The following GOLGA3 variants were observed in gnomAD, a reference collection of about 807,000 sequenced individuals.
GOLGA3 encodes golgin A3, also known as golgin subfamily A member 3.
GOLGA3 carries 75 observed loss-of-function variants against 169.4 expected under a neutral mutation model. The ratio of observed to expected loss-of-function variants is 0.44; its 90% CI spans 0.37 to 0.54. The LOEUF (loss-of-function observed/expected upper bound fraction) is 0.54, where lower values mean the gene tolerates loss of function less well. Among genes scored for constraint, GOLGA3 ranks in the 20% least tolerant of loss-of-function variants. The probability of loss-of-function intolerance (pLI) is 0.00; values close to 1 mark genes in which losing one functional copy is unlikely to be tolerated. For missense variants in GOLGA3, 1,899 were observed against 1,930.0 expected, an observed-to-expected ratio of 0.98 and a Z score of 0.30; for synonymous variants, 824 against 822.4, an observed-to-expected ratio of 1.00 and a Z score of -0.03.
At chr12:132,807,477 T>C (rs1051219391) in intron 5 of GOLGA3, among the ~76,000 whole-genome samples, 189 bp from the exon 6 acceptor site, 1 of 152,186 alleles carries the variant, frequency 6.6e-6, no homozygotes, top group Admixed American at 6.5e-5. Context: ...AGTTGGCACC[T>C]CACGCAGTGG....
At chr12:132,825,002 C>G (rs1180584558) in intron 1 of GOLGA3, among the ~76,000 whole-genome samples, 1 of 152,140 alleles carries the variant, frequency 6.6e-6, no homozygotes, top group African/African-American at 2.4e-5. Context: ...GCCCCTTTGA[C>G]AGATGAATTA....
rs145877666 is a variant in GOLGA3, at chr12:132,808,071, G to C, written c.998C>G (p.Ser333Trp). The C allele has an allele frequency of 1.9e-6, 3 of 1,597,724 alleles. No homozygotes were observed. Among genetic ancestry groups the C allele is most frequent in the Non-Finnish European group, 2.6e-6 (3 of 1,170,592 alleles). Residue 333 changes from serine to tryptophan, a missense_variant, in exon 5 of 24, where the codon TCG becomes TGG. By Grantham distance (177) the Ser-to-Trp change is radical (BLOSUM62 -3). Coordinates refer to ENST00000450791, the MANE Select transcript of GOLGA3 (RefSeq NM_001389683.1). ...ASTRGTYGIL[S>W]KTVGTQDTPY... ...GGTGTCCTGCGTGCCCACTGTCTTC[G>C]ACAGAATGCCATAGGTCCCTCGGGT...
At chr12:132,812,229 AT>A (rs1156328379) in intron 4 of GOLGA3, among the ~76,000 whole-genome samples, 3,791 of 143,806 alleles carry the variant, frequency 0.026, 148 homozygotes, top group African/African-American at 0.088. Flanking sequence ...ATATATATAT[AT>A]TTTTTTTAAC....
At chr12:132,799,265 G>A (rs558908373) in intron 8 of GOLGA3, among the ~76,000 whole-genome samples, 9 of 152,290 alleles carry the variant, frequency 5.9e-5, no homozygotes, top group Admixed American at 5.2e-4. Flanking sequence ...CCTCCTGAAC[G>A]TTACTGGGAA....
intron 17 of GOLGA3, among the ~76,000 whole-genome samples, 166 bp from the exon 18 acceptor site, chr12:132,781,080 CG>C (rs2045578068): frequency 6.6e-6 from 1 of 152,210 alleles, no homozygotes; most frequent in East Asian, 1.9e-4. Context: ...TCCTAGGTTG[CG>C]GGAGCATGAT....
chr12:132,783,884 T>C, intron 16 of GOLGA3: 1 of 1,424,432 alleles, frequency 7.0e-7, no homozygotes, highest in Non-Finnish European at 9.1e-7. Context: ...GAAGTTGGGT[T>C]TCTTATTTGC....
intron 11 of GOLGA3, 63 bp downstream of exon 11, chr12:132,795,789 T>A: frequency 6.8e-7 from 1 of 1,473,376 alleles, no homozygotes; most frequent in Non-Finnish European, 9.2e-7. Context: ...AAGAAGCAAA[T>A]AATCAGCATC....
chr12:132,828,782 C>G (rs1950531191), intron 1 of GOLGA3, 21 bp downstream of exon 1: 1 of 145,094 alleles, frequency 6.9e-6, no homozygotes, highest in Admixed American at 6.6e-5. Flanking sequence ...CCCGAGGCGC[C>G]GCGGCCTCCG....
At chr12:132,799,060 GC>G (rs1222462059) in intron 8 of GOLGA3, among the ~76,000 whole-genome samples, 1 of 152,244 alleles carries the variant, frequency 6.6e-6, no homozygotes, top group African/African-American at 2.4e-5. Flanking sequence ...TGTGAGGACA[GC>G]CTGGGGCCTG....
At chr12:132,816,940 A>G in intron 2 of GOLGA3, 128 bp from the exon 3 acceptor site, 3 of 878,506 alleles carry the variant, frequency 3.4e-6, no homozygotes, top group Non-Finnish European at 5.1e-6. Flanking sequence ...TCATCCCACA[A>G]AGGCTTCACT....
rs745540748 is a variant in GOLGA3 at position 132,821,958 on chromosome 12, C to T, written c.133+38G>A. The T allele has an allele frequency of 6.3e-6, 9 of 1,432,698 alleles. No individual in the cohort carries two copies. The African/African-American group carries it at 1.2e-4, about 19-fold the overall frequency. The allele number at this position is 1,432,698 out of a possible 1,614,324, so 88.7% of individuals were successfully genotyped here. Reference sequence around the variant, plus strand: ...CCACGTCCTCCCTCAACACCAGGTCCTCCTGTGACCAGCACACAGAGGAAC... The same window carrying T: ...CCACGTCCTCCCTCAACACCAGGTCTTCCTGTGACCAGCACACAGAGGAAC... On this transcript the variant is annotated intron_variant, in intron 2 of 23. Transcript: ENST00000450791.
Position 132,816,827 on chromosome 12 carries a change from C to T in GOLGA3, c.134-15G>A, listed in dbSNP as rs754760506. On this transcript the variant is annotated splice_polypyrimidine_tract_variant and intron_variant, in intron 2 of 23. Coordinates refer to ENST00000450791, the MANE Select transcript of GOLGA3 (RefSeq NM_001389683.1). ...TACCTCGGCACCTGGAAAGACAGAG[C>T]ACGCTGGACCACCATGGCTTTAACA... The T allele has an allele frequency of 3.2e-6, 5 of 1,567,012 alleles. No individual in the cohort carries two copies. The highest frequency in any genetic ancestry group is 2.7e-5 in the African/African-American group (2 of 73,338).
chr12:132,788,290 C>G (rs908401917), intron 13 of GOLGA3, among the ~76,000 whole-genome samples: 1 of 152,222 alleles, frequency 6.6e-6, no homozygotes, highest in Non-Finnish European at 1.5e-5. Flanking sequence ...CGGTCCTCTC[C>G]GGCAACTTCA....
At chr12:132,798,521 G>GC in intron 8 of GOLGA3, 44 bp from the exon 9 acceptor site, 1 of 1,566,696 alleles carries the variant, frequency 6.4e-7, no homozygotes, top group Non-Finnish European at 8.6e-7. Flanking sequence ...TCAATTTCAA[G>GC]CAAGAAATGC....
In GOLGA3 at chr12:132,798,793, AGGG is replaced by A. The variant is rs1311744514; in HGVS notation, c.1801-319_1801-317del. ...CATCTCTGAGCCCCTGTGGGTGAGG[AGGG>A]GCATCTCTGAGCCCCTGTAGGTGAG... is the stretch of plus-strand genomic sequence containing the variant. On this transcript the variant is annotated intron_variant, in intron 8 of 23. Coordinates refer to ENST00000450791, the MANE Select transcript of GOLGA3 (RefSeq NM_001389683.1). Among the ~76,000 whole-genome samples the A allele has an allele frequency of 9.9e-5, 15 of 152,226 alleles. 1 individual carries two copies. The highest frequency in any genetic ancestry group is 2.2e-4 in the African/African-American group (9 of 41,506).
chr12:132,818,960 A>G (rs1254258005), intron 2 of GOLGA3, among the ~76,000 whole-genome samples: 3 of 152,092 alleles, frequency 2.0e-5, no homozygotes, highest in Non-Finnish European at 4.4e-5. Context: ...AAACTAAAAC[A>G]TATTTCCTCA....
chr12:132,828,813 TG>T lies in GOLGA3; in HGVS notation c.-195del, dbSNP rs1214680107. 1 of 152,282 alleles carries T rather than the reference TG, an allele frequency of 6.6e-6. No individual in the cohort carries two copies. Among genetic ancestry groups the T allele is most frequent in the African/African-American group, 2.4e-5 (1 of 41,448 alleles). The allele number at this position is 152,282 out of a possible 1,614,324, so 9.4% of individuals were successfully genotyped here. On this transcript the variant is annotated 5_prime_UTR_variant, in exon 1 of 24. Transcript: ENST00000450791. The stretch of plus-strand genomic sequence containing the variant: ...CTCCGAGCCCCTCACCCTGCTGCTC[TG>T]GCAGCCCCGGAGGCCGCCCGGCCCG...
At chr12:132,785,568 CT>C (rs2045854634) in intron 15 of GOLGA3, among the ~76,000 whole-genome samples, 1 of 152,146 alleles carries the variant, frequency 6.6e-6, no homozygotes, top group Non-Finnish European at 1.5e-5. Flanking sequence ...CTGCCTCAGC[CT>C]CCCAAAGCGC....
Position 132,806,577 on chromosome 12 carries a change from G to C in GOLGA3, c.1290+600C>G, listed in dbSNP as rs567951096. Among the ~76,000 whole-genome samples, 74 of 152,334 alleles carry C rather than the reference G, an allele frequency of 4.9e-4. 2 individuals carry two copies. The Middle Eastern group carries it at 0.01, about 21-fold the overall frequency. ...TCTGCGGCCTCGCAGGCCACAGGAG[G>C]CTCCCTCAGCTGTGTCACCTCAGGG... On this transcript the variant is annotated intron_variant, in intron 6 of 23. Transcript: ENST00000450791.
Sources: allele counts gnomAD v4.1 joint callset (sites outside exome capture counted in the v4.1 genomes callset), GRCh38; gene constraint gnomAD v4.1.1; transcripts MANE v1.5; gene names NCBI Gene and HGNC (gene_info 2026-07-23, HGNC 2026-07-21).